The following XKRX variants were observed in gnomAD, a reference collection of about 807,000 sequenced individuals.
XKRX encodes the protein XK-related protein 2.
XKRX carries 11 observed loss-of-function variants against 22.4 expected under a neutral mutation model. The ratio of observed to expected loss-of-function variants is 0.49; its 90% CI spans 0.31 to 0.81. The LOEUF is 0.81. XKRX is among the 40% of genes least tolerant of loss of function. The probability of loss-of-function intolerance (pLI) is 0.05; values close to 1 mark genes in which losing one functional copy is unlikely to be tolerated. For missense variants in XKRX, 320 were observed against 336.5 expected, an observed-to-expected ratio of 0.95 and a Z score of 0.38; for synonymous variants, 114 against 132.2, an observed-to-expected ratio of 0.86 and a Z score of 0.94.
At chrX:100,956,738 T>C in the XKRX span, 1 of 555,923 alleles carries the variant, frequency 1.8e-6, no homozygotes. Context: ...ATTAATATCA[T>C]TATGCCACTT....
At chrX:100,927,175 C>G (rs1001101488) in intron 1 of XKRX, among the ~76,000 whole-genome samples, 3 of 109,345 alleles carry the variant, frequency 2.7e-5, no homozygotes, top group Non-Finnish European at 5.7e-5. Flanking sequence ...CCCGTCTCTA[C>G]AAAAAAAATT....
chrX:100,937,985 G>C, the XKRX span, among the ~76,000 whole-genome samples: 2 of 111,459 alleles, frequency 1.8e-5, no homozygotes, highest in Non-Finnish European at 3.8e-5. Flanking sequence ...CATGAATCTT[G>C]GGCCATTACC....
the XKRX span, chrX:100,888,738 CAT>C: frequency 4.0e-6 from 1 of 252,021 alleles, no homozygotes; most frequent in Non-Finnish European, 7.0e-6. Flanking sequence ...TATGAGATAA[CAT>C]GTGTATGCTG....
At position 100,914,251 on chromosome X, in the gene XKRX, T is replaced by A; in HGVS notation, c.*87A>T. 9.7e-7 allele frequency: 1 copy of A among 1,033,085 alleles called. No individual in the cohort carries two copies. Among genetic ancestry groups the A allele is most frequent in the Non-Finnish European group, 1.3e-6 (1 of 761,613 alleles). 85.1% of individuals were successfully genotyped at this position (1,033,085 alleles called of 1,213,427 possible). On this transcript the variant is annotated 3_prime_UTR_variant, in exon 3 of 3. Transcript: ENST00000372956. Reference sequence around the variant, plus strand: ...AGTCAAGAAAATGTACTGATGGGTATCTCACCCATGAACCTCATCCTTTCG... The same window carrying A: ...AGTCAAGAAAATGTACTGATGGGTAACTCACCCATGAACCTCATCCTTTCG...
chrX:100,928,027 G>C lies in XKRX; in HGVS notation c.278C>G (p.Ala93Gly), dbSNP rs1339480183. The C allele has an allele frequency of 8.3e-7, 1 of 1,207,982 alleles. No homozygotes were observed. The highest frequency in any genetic ancestry group is 1.1e-6 in the Non-Finnish European group (1 of 894,540). Residue 93 changes from alanine to glycine, a missense_variant, in exon 1 of 3, where the codon GCC becomes GGC. Coordinates refer to ENST00000372956, the MANE Select transcript of XKRX (RefSeq NM_212559.3). ...LTLIFVHRDL[A>G]KDKPLSLFMH... is the part of the protein sequence containing the mutation. ...AAATAATGATAGCGGTTTATCTTTG[G>C]CTAGATCTCTGTGGACAAAAATGAG...
chrX:100,893,902 G>A, the XKRX span, among the ~76,000 whole-genome samples: 2 of 112,126 alleles, frequency 1.8e-5, no homozygotes, highest in Admixed American at 1.9e-4. Context: ...TAGAAGCCCA[G>A]TCCTCACCAT....
chrX:100,933,301 G>A, upstream of XKRX, among the ~76,000 whole-genome samples: 1 of 110,602 alleles, frequency 9.0e-6, no homozygotes, highest in Non-Finnish European at 1.9e-5. Flanking sequence ...GGGCAACATG[G>A]TGAAACCCCA....
chrX:100,948,403 T>C, the XKRX span, among the ~76,000 whole-genome samples: 3 of 111,492 alleles, frequency 2.7e-5, no homozygotes, highest in African/African-American at 6.5e-5. Context: ...CAATCAAGCA[T>C]GGGAAGACTT....
intron 2 of XKRX, among the ~76,000 whole-genome samples, chrX:100,916,295 CTT>C (rs758864643): frequency 6.3e-5 from 7 of 111,782 alleles, no homozygotes; most frequent in Non-Finnish European, 1.1e-4. Context: ...GTGTGATAGT[CTT>C]ATATCAGTTT....
chrX:100,925,810 T>C (rs2085495444), intron 1 of XKRX, among the ~76,000 whole-genome samples: 1 of 112,076 alleles, frequency 8.9e-6, no homozygotes, highest in South Asian at 3.7e-4. Flanking sequence ...CAAAGATGCA[T>C]ATAGGCCAGC....
chrX:100,940,239 T>C, the XKRX span, among the ~76,000 whole-genome samples: 2 of 111,890 alleles, frequency 1.8e-5, no homozygotes, highest in Non-Finnish European at 1.9e-5. Flanking sequence ...CTCCAATTTA[T>C]AGAAAAGGAA....
chrX:100,914,850 T>A lies in XKRX; in HGVS notation c.838A>T (p.Ile280Phe), dbSNP rs1299079364. The change falls in exon 3 of 3, where the codon ATC (isoleucine) becomes TTC (phenylalanine). Residue 280 changes from isoleucine to phenylalanine, a missense_variant. Ile to Phe is a conservative substitution (Grantham distance 21, BLOSUM62 0). Transcript: ENST00000372956. ...VPFLVLNFLI[I>F]LFEPWIKFWR... ...AACTTAATCCAGGGCTCAAAGAGGA[T>A]GATCAGGAAGTTGAGCACTAGGAAG... 1 of 1,209,638 alleles carries A rather than the reference T, an allele frequency of 8.3e-7. No homozygotes were observed. Among genetic ancestry groups the A allele is most frequent in the African/African-American group, 1.8e-5 (1 of 57,028 alleles).
At chrX:100,920,475 T>C (rs893086286) in intron 2 of XKRX, among the ~76,000 whole-genome samples, 2 of 111,219 alleles carry the variant, frequency 1.8e-5, no homozygotes, top group East Asian at 2.8e-4. Context: ...ACAGAGGTTA[T>C]CTTTGGGGAG....
chrX:100,889,311 G>A, the XKRX span, among the ~76,000 whole-genome samples: 1 of 109,017 alleles, frequency 9.2e-6, no homozygotes, highest in Admixed American at 9.8e-5. Context: ...TAGTTAAGAT[G>A]AGGTCATACT....
the XKRX span, among the ~76,000 whole-genome samples, chrX:100,935,279 G>C: frequency 1.2e-3 from 131 of 110,022 alleles, 2 homozygotes; most frequent in South Asian, 0.051. Context: ...ATCTTGGTGG[G>C]AAGCAGGTCC....
At chrX:100,947,676 G>C in the XKRX span, among the ~76,000 whole-genome samples, 3 of 111,831 alleles carry the variant, frequency 2.7e-5, no homozygotes, top group African/African-American at 9.7e-5. Flanking sequence ...GCGCAGCTCT[G>C]CTTATCATCT....
rs2085418234 is a variant in XKRX at position 100,914,045 on chromosome X, G to T, written c.*293C>A. ...TGAGCAGAGCTAGAAGGTCACTTTA[G>T]AGAGCCTAAAGTGTTTGAAGACAAG... On this transcript the variant is annotated 3_prime_UTR_variant, in exon 3 of 3. Transcript: ENST00000372956. The T allele has an allele frequency of 3.4e-6, 1 of 294,142 alleles. No individual in the cohort carries two copies. The highest frequency in any genetic ancestry group is 5.9e-6 in the Non-Finnish European group (1 of 168,196). 24.2% of individuals were successfully genotyped at this position (294,142 alleles called of 1,213,427 possible).
intron 2 of XKRX, among the ~76,000 whole-genome samples, chrX:100,921,098 C>T (rs2085470000): frequency 8.9e-6 from 1 of 111,807 alleles, no homozygotes; most frequent in Non-Finnish European, 1.9e-5. Flanking sequence ...GACAGAGTTT[C>T]GCCAGGCCAG....
chrX:100,954,156 C>T, the XKRX span, among the ~76,000 whole-genome samples: 2 of 109,758 alleles, frequency 1.8e-5, no homozygotes, highest in South Asian at 3.9e-4. Context: ...CAGTGGCTCA[C>T]GCCTGTAATC....
Sources: gnomAD v4.1 joint callset for allele counts (sites outside exome capture counted in the v4.1 genomes callset) on GRCh38, gnomAD v4.1.1 for gene constraint, MANE v1.5 for transcripts, NCBI Gene and HGNC (gene_info 2026-07-23, HGNC 2026-07-21) for gene names.